The following RNF146 variants were observed in gnomAD, a reference collection of about 807,000 sequenced individuals.
RNF146 encodes ring finger protein 146, also known as E3 ubiquitin-protein ligase RNF146.
In RNF146, 11 loss-of-function variants were observed where a neutral mutation model predicts 29.7. That is an observed-to-expected ratio of 0.37 (90% CI 0.23 to 0.61). The LOEUF is 0.61. RNF146 is among the 20% of genes least tolerant of loss of function. The probability of loss-of-function intolerance (pLI) is 0.66; values close to 1 mark genes in which losing one functional copy is unlikely to be tolerated. For synonymous variants in RNF146, 150 were observed against 159.7 expected, an observed-to-expected ratio of 0.94 and a Z score of 0.46; for missense variants, 342 against 438.9, an observed-to-expected ratio of 0.78 and a Z score of 1.97.
chr6:127,270,067 A>G lies in RNF146; in HGVS notation c.-109+3142A>G, dbSNP rs530106891. Among the ~76,000 whole-genome samples, 94 of 152,212 alleles carry G rather than the reference A, an allele frequency of 6.2e-4. No homozygotes were observed. In the South Asian group the frequency reaches 8.9e-3, roughly 14 times the overall value. On this transcript the variant is annotated intron_variant, in intron 1 of 2. Coordinates refer to ENST00000368314, the MANE Select transcript of RNF146 (RefSeq NM_001242850.2). ...TAAAGATAATCGCTTGCTTGAATCT[A>G]TTACCTGAAAAAAACTCTTGACTTT...
intron 2 of RNF146, among the ~76,000 whole-genome samples, chr6:127,283,075 C>T (rs761866691): frequency 4.0e-5 from 6 of 151,666 alleles, no homozygotes; most frequent in Non-Finnish European, 7.4e-5. Context: ...TTGGAGATTT[C>T]CACTAACTCT....
rs80200915 is a variant in RNF146 at position 127,269,466 on chromosome 6, C to T, written c.-109+2541C>T. Among the ~76,000 whole-genome samples, 12 of 152,246 alleles carry T rather than the reference C, an allele frequency of 7.9e-5. 1 individual carries two copies. In the East Asian group the frequency reaches 2.1e-3, roughly 27 times the overall value. On this transcript the variant is annotated intron_variant, in intron 1 of 2. Coordinates refer to ENST00000368314, the MANE Select transcript of RNF146 (RefSeq NM_001242850.2). ...ATGTTTTGAAATAAAATGCAAAGCT[C>T]ACTTTTTTGTTGTTTTGAGAAAAAT...
At chr6:127,284,815 C>T (rs1268338262) in intron 2 of RNF146, among the ~76,000 whole-genome samples, 1 of 151,698 alleles carries the variant, frequency 6.6e-6, no homozygotes, top group Non-Finnish European at 1.5e-5. Context: ...CACATGTGGC[C>T]CAGGATGGCT....
At chr6:127,273,625 A>G (rs1054885818) in intron 1 of RNF146, among the ~76,000 whole-genome samples, 2 of 152,088 alleles carry the variant, frequency 1.3e-5, no homozygotes, top group Non-Finnish European at 2.9e-5. Context: ...TTCATTTCCA[A>G]CCTGTGTTGT....
chr6:127,282,354 C>T (rs1178845758), intron 2 of RNF146: 1 of 151,620 alleles, frequency 6.6e-6, no homozygotes, highest in Non-Finnish European at 1.5e-5. Context: ...TTAATTTGGG[C>T]ATTTACTCAT....
rs367783559 is a variant in RNF146, at chr6:127,275,861, A to G, written c.-108-4370A>G. Among the ~76,000 whole-genome samples, 64 of 152,248 alleles carry G rather than the reference A, an allele frequency of 4.2e-4. No individual in the cohort carries two copies. In the South Asian group the frequency reaches 8.7e-3, roughly 21 times the overall value. On this transcript the variant is annotated intron_variant, in intron 1 of 2. Coordinates refer to ENST00000368314, the MANE Select transcript of RNF146 (RefSeq NM_001242850.2). Reference sequence around the variant, plus strand: ...TTTTATACAACTAGATTATTAATCTATGGGTGGTTGTTGAAGATAAAAAAG... The same window carrying G: ...TTTTATACAACTAGATTATTAATCTGTGGGTGGTTGTTGAAGATAAAAAAG...
Position 127,280,222 on chromosome 6 carries a change from C to A in RNF146, c.-108-9C>A. 1.0e-6 allele frequency: 1 copy of A among 962,054 alleles called. No individual in the cohort carries two copies. The highest frequency in any genetic ancestry group is 1.6e-6 in the Non-Finnish European group (1 of 635,786). The allele number at this position is 962,054 out of a possible 1,614,324, so 59.6% of individuals were successfully genotyped here. ...TCTTGATCTTAATTACTCTTTTTTT[C>A]TTTTGCAGCACAAAGAATGAACCAG... On this transcript the variant is annotated splice_polypyrimidine_tract_variant and intron_variant, in intron 1 of 2. Coordinates refer to ENST00000368314, the MANE Select transcript of RNF146 (RefSeq NM_001242850.2).
In RNF146 at chr6:127,285,275, A is replaced by G. The variant is rs934150712; in HGVS notation, c.3-1341A>G. 4 of 985,030 alleles carry G rather than the reference A, an allele frequency of 4.1e-6. No homozygotes were observed. In the East Asian group the frequency reaches 4.6e-4, roughly 112 times the overall value. 61.0% of individuals were successfully genotyped at this position (985,030 alleles called of 1,614,324 possible). ...AACACAGAAAAGGCAGTAAAAAGAAAAAAAAGGATTGTTTGAAGATTGAAT... is the reference window on the plus strand; with the variant it reads ...AACACAGAAAAGGCAGTAAAAAGAAGAAAAAGGATTGTTTGAAGATTGAAT... On this transcript the variant is annotated intron_variant, in intron 2 of 2. Transcript: ENST00000368314.
rs1779566544 is a variant in RNF146, at chr6:127,286,700, A to C, written c.87A>C (p.Ala29=). The C allele has an allele frequency of 6.2e-7, 1 of 1,613,200 alleles. No individual in the cohort carries two copies. The highest frequency in any genetic ancestry group is 1.3e-5 in the African/African-American group (1 of 74,814). ...CGAACGAGTCCTGTTCTAATACTGCACCTTCTTTAACCGTCCCTGAATGTG... is the reference window on the plus strand; with the variant it reads ...CGAACGAGTCCTGTTCTAATACTGCCCCTTCTTTAACCGTCCCTGAATGTG... ...RKANESCSNT[A]PSLTVPECAI... Residue 29 remains alanine (A), a synonymous_variant, in exon 3 of 3, where the codon GCA becomes GCC. Coordinates refer to ENST00000368314, the MANE Select transcript of RNF146 (RefSeq NM_001242850.2). This position sits in a 1 kb window ranked among gnomAD's most constrained non-coding sequence, Gnocchi z 4.6.
In RNF146 at chr6:127,286,325, A is replaced by C; in HGVS notation, c.3-291A>C. 1.6e-6 allele frequency: 1 copy of C among 615,676 alleles called. No individual in the cohort carries two copies. The highest frequency in any genetic ancestry group is 2.4e-6 in the Non-Finnish European group (1 of 409,780). 38.1% of individuals were successfully genotyped at this position (615,676 alleles called of 1,614,324 possible). ...TGATTCAAGGTATCCTTTTCCCCTC[A>C]CTGGATGCAGCTTTTCATTATATAG... On this transcript the variant is annotated intron_variant, in intron 2 of 2. Transcript: ENST00000368314. This position sits in a 1 kb window ranked among gnomAD's most constrained non-coding sequence, Gnocchi z 4.6.
chr6:127,277,261 A>G (rs9491724), intron 1 of RNF146, among the ~76,000 whole-genome samples: 4,862 of 152,054 alleles, frequency 0.032, 93 homozygotes, highest in East Asian at 0.099. Flanking sequence ...TAGGGAGTGT[A>G]TGAAAATGTG....
At chr6:127,277,210 A>G (rs1369094394) in intron 1 of RNF146, among the ~76,000 whole-genome samples, 1 of 151,994 alleles carries the variant, frequency 6.6e-6, no homozygotes. Flanking sequence ...AGAAAAAGTA[A>G]TGATGTTGGA....
At position 127,283,291 on chromosome 6, in the gene RNF146, G is replaced by A. The variant is rs941650495; in HGVS notation, c.2+2951G>A. On this transcript the variant is annotated intron_variant, in intron 2 of 2. Coordinates refer to ENST00000368314, the MANE Select transcript of RNF146 (RefSeq NM_001242850.2). ...TACTTATTAATAGAATTGGACTAAC[G>A]TCACTCCAAATTTCTGTGTATTAAA... Among the ~76,000 whole-genome samples the A allele has an allele frequency of 4.0e-5, 6 of 151,808 alleles. No individual in the cohort carries two copies. The South Asian group carries it at 6.2e-4, about 16-fold the overall frequency.
intron 1 of RNF146, among the ~76,000 whole-genome samples, chr6:127,267,453 C>T (rs1029445062): frequency 2.6e-5 from 4 of 152,192 alleles, no homozygotes; most frequent in Non-Finnish European, 4.4e-5. Flanking sequence ...GATGGTTTTT[C>T]GGCGGTAGCC....
At chr6:127,271,016 A>T (rs916642759) in intron 1 of RNF146, among the ~76,000 whole-genome samples, 1 of 152,018 alleles carries the variant, frequency 6.6e-6, no homozygotes, top group Non-Finnish European at 1.5e-5. Flanking sequence ...GGGTTTCACC[A>T]TGTTGGCCAG....
At chr6:127,271,441 C>CT (rs1248245624) in intron 1 of RNF146, among the ~76,000 whole-genome samples, 1 of 152,126 alleles carries the variant, frequency 6.6e-6, no homozygotes, top group Non-Finnish European at 1.5e-5. Flanking sequence ...ATGCAGTTTT[C>CT]TTTTTTAATG....
chr6:127,270,235 C>T (rs1479529575), intron 1 of RNF146, among the ~76,000 whole-genome samples: 1 of 152,104 alleles, frequency 6.6e-6, no homozygotes, highest in African/African-American at 2.4e-5. Flanking sequence ...TTGATAATCC[C>T]TAAACCCCTT....
In RNF146 at chr6:127,288,524, T is replaced by C. The variant is rs978232612; in HGVS notation, c.*831T>C. ...TTAGAGATTATTTAAACAGAATCTA[T>C]AGGCAGTGTGTATATAATAAACATG... On this transcript the variant is annotated 3_prime_UTR_variant, in exon 3 of 3. Transcript: ENST00000368314. 3 of 166,876 alleles carry C rather than the reference T, an allele frequency of 1.8e-5. No homozygotes were observed. The highest frequency in any genetic ancestry group is 7.2e-5 in the African/African-American group (3 of 41,416). 10.3% of individuals were successfully genotyped at this position (166,876 alleles called of 1,614,324 possible).
At position 127,287,462 on chromosome 6, in the gene RNF146, C is replaced by T. The variant is rs1175528995; in HGVS notation, c.849C>T (p.Thr283=). The change falls in exon 3 of 3, where the codon ACC becomes ACT. Residue 283 remains threonine (T), a synonymous_variant. Transcript: ENST00000368314. ...PSSGRVPAPD[T]SIEETESDAS... ...CAGGCAGGGTACCAGCACCAGACAC[C>T]TCCATTGAAGAAACTGAATCAGATG... 3 of 1,613,416 alleles carry T rather than the reference C, an allele frequency of 1.9e-6. No individual in the cohort carries two copies. The highest frequency in any genetic ancestry group is 1.7e-5 in the Admixed American group (1 of 59,904).
Sources: gnomAD v4.1 joint callset for allele counts (sites outside exome capture counted in the v4.1 genomes callset) on GRCh38, gnomAD v4.1.1 for gene constraint, Gnocchi (gnomAD v3.1) non-coding constraint, MANE v1.5 for transcripts, NCBI Gene and HGNC (gene_info 2026-07-23, HGNC 2026-07-21) for gene names.